Variants in PDE10A observed in about 807,000 individuals in gnomAD.
PDE10A encodes cAMP and cAMP-inhibited cGMP 3',5'-cyclic phosphodiesterase 10A.
In PDE10A, 39 loss-of-function variants were observed where a neutral mutation model predicts 97.7. The observed-to-expected ratio is 0.40, with a 90% CI of 0.31 to 0.52. The LOEUF is 0.52. PDE10A is among the 20% of genes least tolerant of loss of function. The pLI is 0.56. For synonymous variants in PDE10A, 371 were observed against 376.8 expected, an observed-to-expected ratio of 0.98 and a Z score of 0.18; for missense variants, 731 against 1,047.8, an observed-to-expected ratio of 0.70 and a Z score of 4.17.
rs1419939645 is a variant in PDE10A at position 165,329,197 on chromosome 6, A to C, written c.*3828T>G. 1 of 152,232 alleles carries C rather than the reference A, an allele frequency of 6.6e-6. No individual in the cohort carries two copies. 9.4% of individuals were successfully genotyped at this position (152,232 alleles called of 1,614,324 possible). ...TAGGTACCTGAAACCCCCCAAAATC[A>C]CATCATAACCAGTGTCACAGTTCTC... is the stretch of plus-strand genomic sequence containing the variant. On this transcript the variant is annotated 3_prime_UTR_variant, in exon 22 of 22. Transcript: ENST00000539869.
chr6:165,725,102 G>A (rs539802121), intron 1 of PDE10A, among the ~76,000 whole-genome samples: 1 of 152,276 alleles, frequency 6.6e-6, no homozygotes, highest in African/African-American at 2.4e-5. Context: ...TGACTCCAGG[G>A]GAAGACCACC....
At chr6:165,625,733 GAA>G (rs1788354143) in intron 1 of PDE10A, among the ~76,000 whole-genome samples, 1 of 152,182 alleles carries the variant, frequency 6.6e-6, no homozygotes, top group Non-Finnish European at 1.5e-5. Flanking sequence ...TGCCATGTAA[GAA>G]GTGCCTTTCA....
intron 2 of PDE10A, among the ~76,000 whole-genome samples, chr6:165,521,988 T>C (rs997068585): frequency 6.6e-6 from 1 of 152,216 alleles, no homozygotes; most frequent in Non-Finnish European, 1.5e-5. Context: ...AACCACGTTG[T>C]AGCATGTGTC....
chr6:165,514,784 G>C (rs1025596802), intron 2 of PDE10A, among the ~76,000 whole-genome samples: 1 of 152,198 alleles, frequency 6.6e-6, no homozygotes, highest in Non-Finnish European at 1.5e-5. Context: ...AGTAGCTCCA[G>C]GCCATAACAC....
At chr6:165,506,508 A>G (rs2128298293) in intron 2 of PDE10A, among the ~76,000 whole-genome samples, 1 of 152,310 alleles carries the variant, frequency 6.6e-6, no homozygotes, top group Middle Eastern at 3.4e-3. Context: ...ATGAACAGTC[A>G]TATTGGCTAA....
intron 3 of PDE10A, among the ~76,000 whole-genome samples, chr6:165,453,128 A>T (rs1673963624): frequency 6.6e-6 from 1 of 152,230 alleles, no homozygotes; most frequent in Admixed American, 6.5e-5. Context: ...AGCAGAACTT[A>T]AGGGCAATGA....
At position 165,655,945 on chromosome 6, in the gene PDE10A, C is replaced by A. The variant is rs1234626049; in HGVS notation, c.865+6002G>T. 2.0e-5 allele frequency among the ~76,000 whole-genome samples: 3 copies of A among 152,064 alleles called. No individual in the cohort carries two copies. The highest frequency in any genetic ancestry group is 4.4e-5 in the Non-Finnish European group (3 of 68,020). ...CTGCATGGCCGATGACACCTTGTCA[C>A]TCAGAGGCCATTTCTACTGCCCCTG... On this transcript the variant is annotated intron_variant, in intron 1 of 21. Coordinates refer to ENST00000539869, the MANE Select transcript of PDE10A (RefSeq NM_001385079.1). The surrounding 1 kb of genome is among the most constrained non-coding windows in gnomAD (Gnocchi z 4.5).
intron 1 of PDE10A, among the ~76,000 whole-genome samples, chr6:165,947,605 A>T (rs1783813716): frequency 6.6e-6 from 1 of 152,188 alleles, no homozygotes; most frequent in African/African-American, 2.4e-5. Context: ...TCTTAATGTA[A>T]TGAGTTGGTT....
chr6:165,571,685 C>G (rs1481417552), intron 1 of PDE10A, among the ~76,000 whole-genome samples: 2 of 152,206 alleles, frequency 1.3e-5, no homozygotes, highest in African/African-American at 4.8e-5. Context: ...AAGAAATCCC[C>G]ATTCTTAAGT....
chr6:165,734,950 G>GTAGA (rs60771144), intron 1 of PDE10A, among the ~76,000 whole-genome samples: 5,773 of 150,682 alleles, frequency 0.038, 142 homozygotes, highest in Non-Finnish European at 0.044. Context: ...CAATAAGAAA[G>GTAGA]TAGATAGATA....
chr6:165,482,325 T>C lies in PDE10A; in HGVS notation c.1013A>G (p.Glu338Gly). 1 of 1,600,200 alleles carries C rather than the reference T, an allele frequency of 6.2e-7. No homozygotes were observed. Among genetic ancestry groups the C allele is most frequent in the South Asian group, 1.1e-5 (1 of 90,816 alleles). Residue 338 changes from glutamate (E) to glycine (G), a missense_variant, in exon 3 of 22, where the codon GAA becomes GGA. Glu to Gly is a moderately conservative substitution (Grantham distance 98, BLOSUM62 -2). Around this residue, in one of 8 missense-constraint regions of PDE10A, gnomAD observed 181 missense variants for 159.1 expected, o/e 1.14. Coordinates refer to ENST00000539869, the MANE Select transcript of PDE10A (RefSeq NM_001385079.1). Reference sequence around the variant, plus strand: ...ATTCACATCACTTACCCTGCTGACTTCCTTAGGAGCTGATTCATCTGGGGA... The same window carrying C: ...ATTCACATCACTTACCCTGCTGACTCCCTTAGGAGCTGATTCATCTGGGGA... ...NKSEDESAPK[E>G]VSRYQDTNMQ...
At chr6:165,756,306 G>A (rs979616255) in intron 1 of PDE10A, among the ~76,000 whole-genome samples, 3 of 152,040 alleles carry the variant, frequency 2.0e-5, no homozygotes, top group African/African-American at 7.2e-5. Context: ...TTTTTGAGAA[G>A]GGTAGGCATT....
chr6:165,455,378 C>G (rs747933418), intron 3 of PDE10A, among the ~76,000 whole-genome samples: 1 of 152,130 alleles, frequency 6.6e-6, no homozygotes. Context: ...AACAGACATA[C>G]TCAGCAGCAG....
At chr6:165,809,261 C>T (rs778548359) in intron 1 of PDE10A, among the ~76,000 whole-genome samples, 5 of 152,178 alleles carry the variant, frequency 3.3e-5, no homozygotes, top group Non-Finnish European at 5.9e-5. Flanking sequence ...TGGGTGCAGC[C>T]CTGGCTGCCC....
At chr6:165,729,011 A>G (rs904892284) in intron 1 of PDE10A, among the ~76,000 whole-genome samples, 1 of 152,196 alleles carries the variant, frequency 6.6e-6, no homozygotes, top group Non-Finnish European at 1.5e-5. Context: ...TAGCCTGGAC[A>G]ACATGGTGAG....
intron 1 of PDE10A, among the ~76,000 whole-genome samples, chr6:165,979,545 G>T (rs1404739228): frequency 6.6e-6 from 1 of 152,098 alleles, no homozygotes; most frequent in Non-Finnish European, 1.5e-5. Context: ...TATTAAATAA[G>T]ATACTTGTTA....
At chr6:165,643,222 GGTGA>G (rs1332930258) in intron 1 of PDE10A, among the ~76,000 whole-genome samples, 3 of 151,998 alleles carry the variant, frequency 2.0e-5, no homozygotes, top group Admixed American at 1.3e-4. Context: ...TGGATAGATA[GGTGA>G]GTGAGTGGGT....
intron 1 of PDE10A, among the ~76,000 whole-genome samples, chr6:165,563,271 G>A (rs1039553796): frequency 6.6e-6 from 1 of 150,896 alleles, no homozygotes; most frequent in Admixed American, 6.6e-5. Flanking sequence ...AGGAAGGAGG[G>A]AAGGAAGGAA....
intron 1 of PDE10A, among the ~76,000 whole-genome samples, chr6:165,860,740 G>A (rs1293957745): frequency 1.3e-5 from 2 of 152,208 alleles, no homozygotes; most frequent in African/African-American, 4.8e-5. Flanking sequence ...GCCGTGTATT[G>A]ATTTGTTTGG....
Sources: gnomAD v4.1 joint callset for allele counts (sites outside exome capture counted in the v4.1 genomes callset) on GRCh38, gnomAD v4.1.1 for gene constraint, gnomAD v4.1.1 regional missense constraint, Gnocchi (gnomAD v3.1) non-coding constraint, MANE v1.5 for transcripts, NCBI Gene and HGNC (gene_info 2026-07-23, HGNC 2026-07-21) for gene names.